ST6GALNAC3: variants seen among roughly 807,000 people sequenced by gnomAD.
The protein encoded by ST6GALNAC3 is alpha-N-acetylgalactosaminide alpha-2,6-sialyltransferase 3.
ST6GALNAC3 carries 25 observed loss-of-function variants against 32.7 expected under a neutral mutation model. That is an observed-to-expected ratio of 0.76 (90% CI 0.56 to 1.07). The LOEUF (loss-of-function observed/expected upper bound fraction) is 1.07. Among genes scored for constraint, ST6GALNAC3 ranks in the 50% least tolerant of loss-of-function variants. The pLI, the probability that ST6GALNAC3 is intolerant of heterozygous loss-of-function variation, is 0.00. For synonymous variants in ST6GALNAC3, 129 were observed against 133.1 expected, an observed-to-expected ratio of 0.97 and a Z score of 0.21; for missense variants, 355 against 382.4, an observed-to-expected ratio of 0.93 and a Z score of 0.60.
chr1:76,358,862 T>C (rs1338126211), intron 2 of ST6GALNAC3, among the ~76,000 whole-genome samples: 1 of 152,182 alleles, frequency 6.6e-6, no homozygotes, highest in East Asian at 1.9e-4. Context: ...GCGTCTTCTG[T>C]CTGGGATGCT....
intron 2 of ST6GALNAC3, among the ~76,000 whole-genome samples, chr1:76,359,269 A>G (rs1649738299): frequency 6.6e-6 from 1 of 152,180 alleles, no homozygotes; most frequent in South Asian, 2.1e-4. Flanking sequence ...TTGAAGTATC[A>G]ATCCTTTTAC....
intron 1 of ST6GALNAC3, among the ~76,000 whole-genome samples, chr1:76,187,743 A>G (rs1653647086): frequency 6.6e-6 from 1 of 152,044 alleles, no homozygotes; most frequent in African/African-American, 2.4e-5. Flanking sequence ...ACACACACAC[A>G]CACGCACACA....
At chr1:76,488,995 A>G (rs747286257) in intron 3 of ST6GALNAC3, among the ~76,000 whole-genome samples, 1 of 152,102 alleles carries the variant, frequency 6.6e-6, no homozygotes, top group Non-Finnish European at 1.5e-5. Flanking sequence ...TCTGGAAGCA[A>G]TTGCTTGTTT....
chr1:76,099,939 C>G (rs983489979), intron 1 of ST6GALNAC3, among the ~76,000 whole-genome samples: 2 of 151,954 alleles, frequency 1.3e-5, no homozygotes, highest in African/African-American at 4.8e-5. Flanking sequence ...CATTAATATT[C>G]TTTTGCTTTT....
At chr1:76,290,205 T>G (rs1418818171) in intron 1 of ST6GALNAC3, among the ~76,000 whole-genome samples, 1 of 152,254 alleles carries the variant, frequency 6.6e-6, no homozygotes, top group Non-Finnish European at 1.5e-5. Context: ...CTGTTAGCAC[T>G]GTGTGTGTCC....
intron 3 of ST6GALNAC3, among the ~76,000 whole-genome samples, chr1:76,535,519 G>C (rs1663541327): frequency 6.6e-6 from 1 of 152,156 alleles, no homozygotes; most frequent in African/African-American, 2.4e-5. Context: ...TTCAAGATCA[G>C]TTAGCAGCCA....
intron 3 of ST6GALNAC3, among the ~76,000 whole-genome samples, chr1:76,419,538 AT>A (rs539288208): frequency 8.6e-5 from 13 of 151,370 alleles, no homozygotes; most frequent in African/African-American, 2.9e-4. Context: ...CTCTCCTTAG[AT>A]TTTTTTTTGA....
At chr1:76,305,203 A>T (rs900810277) in intron 1 of ST6GALNAC3, among the ~76,000 whole-genome samples, 4 of 152,052 alleles carry the variant, frequency 2.6e-5, no homozygotes, top group Non-Finnish European at 2.9e-5. Flanking sequence ...ATCTAATCTT[A>T]AGAAGGGCAG....
At chr1:76,412,751 C>T (rs1290285688) in intron 3 of ST6GALNAC3, among the ~76,000 whole-genome samples, 1 of 151,984 alleles carries the variant, frequency 6.6e-6, no homozygotes, top group African/African-American at 2.4e-5. Context: ...TGTTTCAAAA[C>T]CTAGTAATGG....
intron 3 of ST6GALNAC3, among the ~76,000 whole-genome samples, chr1:76,422,214 G>C (rs1217696234): frequency 6.6e-6 from 1 of 151,840 alleles, no homozygotes; most frequent in Non-Finnish European, 1.5e-5. Context: ...ATGACCTAGA[G>C]GTGGAAAAAC....
chr1:76,342,588 T>C (rs1001777984), intron 2 of ST6GALNAC3, among the ~76,000 whole-genome samples: 6 of 152,004 alleles, frequency 3.9e-5, no homozygotes, highest in African/African-American at 1.4e-4. Context: ...AAGTTTCTTG[T>C]AGATTCTGGA....
intron 1 of ST6GALNAC3, among the ~76,000 whole-genome samples, chr1:76,229,812 A>G (rs1656268105): frequency 6.6e-6 from 1 of 152,192 alleles, no homozygotes; most frequent in African/African-American, 2.4e-5. Context: ...AGTAAAGCAC[A>G]TTGCTAAATG....
chr1:76,121,354 A>G (rs1648858893), intron 1 of ST6GALNAC3, among the ~76,000 whole-genome samples: 1 of 152,090 alleles, frequency 6.6e-6, no homozygotes, highest in Non-Finnish European at 1.5e-5. Context: ...AAGCCAAAAC[A>G]TCCCATCTCA....
chr1:76,229,482 C>T (rs1231362748), intron 1 of ST6GALNAC3, among the ~76,000 whole-genome samples: 1 of 152,204 alleles, frequency 6.6e-6, no homozygotes, highest in African/African-American at 2.4e-5. Context: ...TCCCACTTCT[C>T]TTCCTGCCTT....
At chr1:76,538,988 A>G (rs1159190992) in intron 3 of ST6GALNAC3, among the ~76,000 whole-genome samples, 1 of 152,186 alleles carries the variant, frequency 6.6e-6, no homozygotes, top group Non-Finnish European at 1.5e-5. Flanking sequence ...ATTACCATTG[A>G]TGTTCTTCAT....
At chr1:76,436,014 C>T (rs967824943) in intron 3 of ST6GALNAC3, among the ~76,000 whole-genome samples, 1 of 152,096 alleles carries the variant, frequency 6.6e-6, no homozygotes, top group Non-Finnish European at 1.5e-5. Flanking sequence ...TTATCCCTCA[C>T]TCCCTTCCCA....
chr1:76,598,627 C>T (rs1367534634), intron 3 of ST6GALNAC3, among the ~76,000 whole-genome samples: 2 of 152,030 alleles, frequency 1.3e-5, no homozygotes, highest in African/African-American at 4.8e-5. Context: ...AAATACCTTC[C>T]AAGCCTCCAC....
At chr1:76,367,658 G>C (rs575489157) in intron 2 of ST6GALNAC3, among the ~76,000 whole-genome samples, 2 of 152,112 alleles carry the variant, frequency 1.3e-5, no homozygotes, top group Non-Finnish European at 2.9e-5. Flanking sequence ...ATCAAGCAAT[G>C]ATGATATGGC....
intron 2 of ST6GALNAC3, among the ~76,000 whole-genome samples, chr1:76,383,160 A>G (rs1382633497): frequency 6.6e-6 from 1 of 152,226 alleles, no homozygotes; most frequent in Non-Finnish European, 1.5e-5. Flanking sequence ...ACTTAATTCT[A>G]TATCAAGTGA....
Sources: gnomAD v4.1 joint callset for allele counts (sites outside exome capture counted in the v4.1 genomes callset) on GRCh38, gnomAD v4.1.1 for gene constraint, MANE v1.5 for transcripts, NCBI Gene and HGNC (gene_info 2026-07-23, HGNC 2026-07-21) for gene names.